Variants in PHLPP1 observed in about 807,000 individuals in gnomAD.
PHLPP1 encodes PH domain leucine-rich repeat-containing protein phosphatase 1.
A neutral mutation model predicts 117.2 loss-of-function variants in PHLPP1; 42 were observed. The ratio of observed to expected loss-of-function variants is 0.36; its 90% CI spans 0.28 to 0.46. The LOEUF is 0.46. Ranked by LOEUF, PHLPP1 falls within the 20% of genes least tolerant of loss-of-function variation. The pLI, the probability that PHLPP1 is intolerant of heterozygous loss-of-function variation, is 1.00. For missense variants in PHLPP1, 2,084 were observed against 2,241.9 expected, an observed-to-expected ratio of 0.93 and a Z score of 1.42; for synonymous variants, 1,042 against 970.7, an observed-to-expected ratio of 1.07 and a Z score of -1.37.
chr18:62,975,595 G>A lies in PHLPP1; in HGVS notation c.3954G>A (p.Arg1318=), dbSNP rs373526743. The A allele has an allele frequency of 8.9e-5, 144 of 1,613,138 alleles. No homozygotes were observed. Among genetic ancestry groups the A allele is most frequent in the Admixed American group, 1.3e-4 (8 of 60,006 alleles). The change falls in exon 16 of 17, where the codon AGG becomes AGA. Residue 1318 remains arginine, a synonymous_variant. Transcript: ENST00000262719. The stretch of plus-strand genomic sequence containing the variant: ...TGAGCTGTGAAGAAGAGCTGAAGAG[G>A]ATTAAACAGCACAAGGCCATTATCA... ...YIMSCEEELK[R]IKQHKAIITE... is the part of the protein sequence containing the mutation.
At chr18:62,766,934 A>T (rs1912559638) in intron 1 of PHLPP1, among the ~76,000 whole-genome samples, 1 of 152,202 alleles carries the variant, frequency 6.6e-6, no homozygotes. Context: ...AGATGTATAG[A>T]TTTATAAATG....
At chr18:62,771,626 A>T (rs530949256) in intron 1 of PHLPP1, among the ~76,000 whole-genome samples, 1 of 152,354 alleles carries the variant, frequency 6.6e-6, no homozygotes, top group South Asian at 2.1e-4. Context: ...GAGAAGAAAC[A>T]TCAGAAGCAG....
At position 62,860,582 on chromosome 18, in the gene PHLPP1, G is replaced by A. The variant is rs760220479; in HGVS notation, c.2047G>A (p.Gly683Arg). Residue 683 changes from glycine to arginine, a missense_variant, in exon 4 of 17, where the codon GGG becomes AGG. Physicochemically the swap from Gly to Arg is moderately radical, Grantham distance 125. Around this residue, in one of 2 missense-constraint regions of PHLPP1, gnomAD observed 1,365 missense variants for 1,605.9 expected, o/e 0.85. Coordinates refer to ENST00000262719, the MANE Select transcript of PHLPP1 (RefSeq NM_194449.4). ...GAACCCTAGCCTTCCAGCTGCCAGG[G>A]GGCTTAATGAACTGCAAAGGTAAGC... ...RQNPSLPAARGLNELQRFTKL... is the reference protein window; with the variant it reads ...RQNPSLPAARRLNELQRFTKL... 1.9e-6 allele frequency: 3 copies of A among 1,612,796 alleles called. No homozygotes were observed. Among genetic ancestry groups the A allele is most frequent in the African/African-American group, 1.3e-5 (1 of 74,994 alleles).
At chr18:62,903,644 G>A (rs1413343206) in intron 7 of PHLPP1, among the ~76,000 whole-genome samples, 1 of 151,904 alleles carries the variant, frequency 6.6e-6, no homozygotes, top group African/African-American at 2.4e-5. Flanking sequence ...TATGCCTGTA[G>A]TCCCAGCTAC....
intron 1 of PHLPP1, among the ~76,000 whole-genome samples, chr18:62,788,902 G>C (rs992206197): frequency 6.6e-6 from 1 of 151,950 alleles, no homozygotes; most frequent in African/African-American, 2.4e-5. Flanking sequence ...AGTTCTACCA[G>C]GCCCTTTCAT....
intron 13 of PHLPP1, 28 bp from the exon 14 acceptor site, chr18:62,963,340 C>G (rs754666698): frequency 4.7e-6 from 7 of 1,497,956 alleles, no homozygotes; most frequent in African/African-American, 1.4e-5. Context: ...TTTAATGATT[C>G]CTGTTCCCTC....
chr18:62,737,556 C>T (rs186830339), intron 1 of PHLPP1, among the ~76,000 whole-genome samples: 35 of 152,220 alleles, frequency 2.3e-4, no homozygotes, highest in East Asian at 7.7e-4. Context: ...TAGGAGCTGA[C>T]GAAGGAATGA....
chr18:62,957,244 G>A (rs1910635987), intron 12 of PHLPP1, among the ~76,000 whole-genome samples: 1 of 152,102 alleles, frequency 6.6e-6, no homozygotes, highest in Middle Eastern at 3.2e-3. Context: ...TGAACACAAG[G>A]GCAGCCCCTC....
chr18:62,752,970 T>C (rs542048698), intron 1 of PHLPP1, among the ~76,000 whole-genome samples: 21 of 152,350 alleles, frequency 1.4e-4, no homozygotes, highest in Admixed American at 9.8e-4. Context: ...TGTGCCATAT[T>C]ACTACTGTGA....
chr18:62,978,180 G>A lies in PHLPP1; in HGVS notation c.3985-82G>A. On this transcript the variant is annotated intron_variant, in intron 16 of 16. Coordinates refer to ENST00000262719, the MANE Select transcript of PHLPP1 (RefSeq NM_194449.4). The surrounding 1 kb of genome is among the most constrained non-coding windows in gnomAD (Gnocchi z 7.0). ...TCTCTGTGGTCCTACAGTCGAGACA[G>A]TCGAGGGACCCGCAGGGAACCTGCA... is the stretch of plus-strand genomic sequence containing the variant. 1 of 757,434 alleles carries A rather than the reference G, an allele frequency of 1.3e-6. No individual in the cohort carries two copies. Among genetic ancestry groups the A allele is most frequent in the Non-Finnish European group, 2.2e-6 (1 of 454,286 alleles). 46.9% of individuals were successfully genotyped at this position (757,434 alleles called of 1,614,324 possible). A position where few individuals can be genotyped will look rare whatever the true frequency, so the allele number is the denominator to read the frequency against.
intron 16 of PHLPP1, among the ~76,000 whole-genome samples, chr18:62,977,602 T>C (rs1911228260): frequency 6.6e-6 from 1 of 152,196 alleles, no homozygotes; most frequent in Admixed American, 6.5e-5. Context: ...TGGCATTTCT[T>C]CTTTAGCATC....
chr18:62,965,452 C>T (rs200287585), intron 14 of PHLPP1, among the ~76,000 whole-genome samples: 4 of 76,142 alleles, frequency 5.3e-5, no homozygotes, highest in Admixed American at 1.7e-4. Flanking sequence ...TAATCAGCCT[C>T]TTTTTTTTTT....
chr18:62,838,666 C>G, intron 2 of PHLPP1, 118 bp from the exon 3 acceptor site: 1 of 958,774 alleles, frequency 1.0e-6, no homozygotes, highest in Non-Finnish European at 1.6e-6. Flanking sequence ...TAATGAGTAA[C>G]ATATATAGGG....
At chr18:62,793,544 G>A (rs533062149) in intron 1 of PHLPP1, among the ~76,000 whole-genome samples, 15 of 152,132 alleles carry the variant, frequency 9.9e-5, no homozygotes, top group South Asian at 2.1e-4. Flanking sequence ...ACCATAACCT[G>A]GATTTATTGA....
At chr18:62,783,881 C>T (rs1913200570) in intron 1 of PHLPP1, among the ~76,000 whole-genome samples, 1 of 152,166 alleles carries the variant, frequency 6.6e-6, no homozygotes, top group African/African-American at 2.4e-5. Context: ...TTATACTTCT[C>T]ACAATTTTGG....
intron 1 of PHLPP1, among the ~76,000 whole-genome samples, chr18:62,760,476 G>C (rs983246191): frequency 6.6e-6 from 1 of 152,208 alleles, no homozygotes; most frequent in Non-Finnish European, 1.5e-5. Context: ...TGTGAACTGG[G>C]GAAAGCAATG....
At chr18:62,898,037 T>TCCTCTTTCTCC (rs1568154488) in intron 6 of PHLPP1, among the ~76,000 whole-genome samples, 6 of 152,198 alleles carry the variant, frequency 3.9e-5, no homozygotes, top group South Asian at 2.1e-4. Flanking sequence ...CTCCTCTTTG[T>TCCTCTTTCTCC]ACAAAGTGTG....
Position 62,914,931 on chromosome 18 carries a change from G to T in PHLPP1, c.2727G>T (p.Val909=). The T allele has an allele frequency of 6.2e-7, 1 of 1,613,570 alleles. No homozygotes were observed. Among genetic ancestry groups the T allele is most frequent in the Non-Finnish European group, 8.5e-7 (1 of 1,179,644 alleles). ...MDVSRNRLEN[V]PEWVCESRKL... ...CATTTAGGAACCGCTTAGAAAATGTGCCTGAGTGGGTATGTGAAAGCCGAA... is the reference window on the plus strand; with the variant it reads ...CATTTAGGAACCGCTTAGAAAATGTTCCTGAGTGGGTATGTGAAAGCCGAA... The change falls in exon 9 of 17, where the codon GTG becomes GTT. Residue 909 remains valine (V), a synonymous_variant. Transcript: ENST00000262719.
intron 1 of PHLPP1, among the ~76,000 whole-genome samples, chr18:62,717,602 G>A (rs1236156489): frequency 1.3e-5 from 2 of 152,108 alleles, no homozygotes; most frequent in Non-Finnish European, 2.9e-5. Context: ...CAGGCAGTTT[G>A]GGATTTCAGG....
Sources: gnomAD v4.1 joint callset for allele counts (sites outside exome capture counted in the v4.1 genomes callset) on GRCh38, gnomAD v4.1.1 for gene constraint, gnomAD v4.1.1 regional missense constraint, Gnocchi (gnomAD v3.1) non-coding constraint, MANE v1.5 for transcripts, NCBI Gene and HGNC (gene_info 2026-07-23, HGNC 2026-07-21) for gene names.